The following LRBA variants were observed in gnomAD, a reference collection of about 807,000 sequenced individuals.
LRBA encodes LPS responsive beige-like anchor protein, also known as lipopolysaccharide-responsive and beige-like anchor protein.
In LRBA, 176 loss-of-function variants were observed where a neutral mutation model predicts 330.0. That is an observed-to-expected ratio of 0.53 (90% CI 0.47 to 0.60). The LOEUF (loss-of-function observed/expected upper bound fraction) is 0.60. LRBA is among the 20% of genes least tolerant of loss of function. The pLI is 0.00. For missense variants in LRBA, 3,259 were observed against 3,444.8 expected (o/e 0.95, Z 1.35); for synonymous variants, 1,230 against 1,193.0 (o/e 1.03, Z -0.64).
intron 33 of LRBA, among the ~76,000 whole-genome samples, chr4:150,800,384 TG>T (rs1358246948): frequency 6.6e-6 from 1 of 152,180 alleles, no homozygotes; most frequent in East Asian, 1.9e-4. Flanking sequence ...TAAAGGACAC[TG>T]GTACTGTAAA....
intron 36 of LRBA, among the ~76,000 whole-genome samples, chr4:150,728,178 C>T (rs1030005533): frequency 1.3e-5 from 2 of 152,078 alleles, no homozygotes; most frequent in African/African-American, 4.8e-5. Context: ...TAAAACCTAA[C>T]AGACCAATAA....
chr4:150,301,520 CATA>C (rs1560984434), intron 53 of LRBA, among the ~76,000 whole-genome samples: 3 of 152,084 alleles, frequency 2.0e-5, no homozygotes, highest in South Asian at 2.1e-4. Flanking sequence ...CTATAATGTA[CATA>C]ATAAGAAACA....
intron 37 of LRBA, among the ~76,000 whole-genome samples, chr4:150,649,955 A>G (rs193090823): frequency 3.5e-4 from 53 of 152,292 alleles, no homozygotes; most frequent in Admixed American, 3.4e-3. Context: ...AAGAGCCAAT[A>G]ATAGATAAGA....
intron 40 of LRBA, chr4:150,581,841 T>C (rs1197435996): frequency 1.3e-5 from 2 of 152,340 alleles, no homozygotes; most frequent in Non-Finnish European, 2.9e-5. Context: ...ACAGCTCGGA[T>C]AGCGATTGTA....
chr4:150,706,028 G>A (rs1286330330), intron 36 of LRBA, among the ~76,000 whole-genome samples: 2 of 151,974 alleles, frequency 1.3e-5, no homozygotes, highest in Non-Finnish European at 2.9e-5. Flanking sequence ...CAGAAGATGT[G>A]AGTGCATGCC....
Position 150,796,744 on chromosome 4 carries a change from C to T in LRBA, c.5580+1337G>A, listed in dbSNP as rs1740844848. On this transcript the variant is annotated intron_variant, in intron 34 of 56. Transcript: ENST00000651943. Reference sequence around the variant, plus strand: ...AGTAAAACTTCATTGTGAAAATTCACCTATGAAATAATTATATCACTATGA... The same window carrying T: ...AGTAAAACTTCATTGTGAAAATTCATCTATGAAATAATTATATCACTATGA... 2.0e-5 allele frequency among the ~76,000 whole-genome samples: 3 copies of T among 151,820 alleles called. No individual in the cohort carries two copies. In the South Asian group the frequency reaches 6.2e-4, roughly 31 times the overall value.
intron 37 of LRBA, among the ~76,000 whole-genome samples, chr4:150,625,012 A>T (rs1168856900): frequency 6.6e-6 from 1 of 152,238 alleles, no homozygotes; most frequent in African/African-American, 2.4e-5. Flanking sequence ...TTTGTAGTCA[A>T]GGAAAATAAC....
chr4:150,825,967 C>CA (rs1028981594), intron 30 of LRBA, among the ~76,000 whole-genome samples: 1 of 151,304 alleles, frequency 6.6e-6, no homozygotes, highest in Non-Finnish European at 1.5e-5. Flanking sequence ...CACCAGGAGG[C>CA]AAAAAAACAA....
At chr4:150,382,269 G>T (rs903839113) in intron 47 of LRBA, among the ~76,000 whole-genome samples, 12 of 152,154 alleles carry the variant, frequency 7.9e-5, no homozygotes, top group African/African-American at 2.9e-4. Context: ...TAGCAGGAGA[G>T]TAGCCTTGCA....
intron 2 of LRBA, among the ~76,000 whole-genome samples, chr4:150,989,426 A>G (rs1741824332): frequency 6.6e-6 from 1 of 152,090 alleles, no homozygotes; most frequent in Non-Finnish European, 1.5e-5. Context: ...CAGCCTGGCC[A>G]ATATGGTGAA....
intron 2 of LRBA, among the ~76,000 whole-genome samples, chr4:150,955,264 C>T (rs1737409875): frequency 6.8e-6 from 1 of 147,896 alleles, no homozygotes; most frequent in South Asian, 2.1e-4. Context: ...GAGTGACACA[C>T]TATCTCATAA....
chr4:150,539,242 G>A lies in LRBA; in HGVS notation c.6331-48207C>T, dbSNP rs144814474. Among the ~76,000 whole-genome samples the A allele has an allele frequency of 9.2e-5, 14 of 152,270 alleles. No individual in the cohort carries two copies. The East Asian group carries it at 2.5e-3, about 27-fold the overall frequency. ...GCCCGCTGCGGCCTCCCAAAGTGCT[G>A]GGATTACAGGCATAAGCCACAGTGC... On this transcript the variant is annotated intron_variant, in intron 40 of 56. Coordinates refer to ENST00000651943, the MANE Select transcript of LRBA (RefSeq NM_001364905.1).
At chr4:150,561,206 T>C (rs2152270618) in intron 40 of LRBA, among the ~76,000 whole-genome samples, 1 of 152,272 alleles carries the variant, frequency 6.6e-6, no homozygotes, top group South Asian at 2.1e-4. Flanking sequence ...AAAACTGTGT[T>C]ATTCTAAAAT....
intron 54 of LRBA, among the ~76,000 whole-genome samples, chr4:150,283,727 CAT>C (rs1317153753): frequency 6.6e-6 from 1 of 152,194 alleles, no homozygotes; most frequent in Non-Finnish European, 1.5e-5. Context: ...CCTCCAATAA[CAT>C]AGTTCAAATT....
intron 36 of LRBA, among the ~76,000 whole-genome samples, chr4:150,703,479 A>AT (rs753131453): frequency 8.5e-5 from 13 of 152,320 alleles, no homozygotes; most frequent in Non-Finnish European, 1.5e-4. Context: ...TTCCAAGCCT[A>AT]TACCAGATGT....
chr4:150,974,972 G>C (rs1045743378), intron 2 of LRBA, among the ~76,000 whole-genome samples: 2 of 152,112 alleles, frequency 1.3e-5, no homozygotes, highest in Non-Finnish European at 2.9e-5. Flanking sequence ...CCTAATAAAG[G>C]TTGATTGCCT....
rs1731284373 is a variant in LRBA, at chr4:150,905,937, T to C, written c.1656A>G (p.Ser552=). 2 of 1,613,674 alleles carry C rather than the reference T, an allele frequency of 1.2e-6. No homozygotes were observed. Among genetic ancestry groups the C allele is most frequent in the Non-Finnish European group, 1.7e-6 (2 of 1,179,778 alleles). ...CATTCTGCAGATTACTCAGATATTT[T>C]GAAAATGCAAGGCAAAGTTCAAGTA... The part of the protein sequence containing the change: ...RAVLELCLAF[S]KYLSNLQNGM... The change falls in exon 13 of 57, where the codon TCA becomes TCG. Residue 552 remains serine (S), a synonymous_variant. Transcript: ENST00000651943.
At chr4:150,538,814 C>CAAAAAAA (rs35022729) in intron 40 of LRBA, among the ~76,000 whole-genome samples, 1 of 101,288 alleles carries the variant, frequency 9.9e-6, no homozygotes. Context: ...GGCCCTGTCT[C>CAAAAAAA]AAAAAAAAAA....
chr4:150,878,941 T>C (rs1053523090), intron 17 of LRBA, among the ~76,000 whole-genome samples: 7 of 150,198 alleles, frequency 4.7e-5, no homozygotes, highest in African/African-American at 1.7e-4. Flanking sequence ...CTAGCAGATA[T>C]ACAAAGAAGA....
Sources: gnomAD v4.1 joint callset for allele counts (sites outside exome capture counted in the v4.1 genomes callset) on GRCh38, gnomAD v4.1.1 for gene constraint, MANE v1.5 for transcripts, NCBI Gene and HGNC (gene_info 2026-07-23, HGNC 2026-07-21) for gene names.